The following TYW1 variants were observed in gnomAD, a reference collection of about 807,000 sequenced individuals.
TYW1 encodes the protein tRNA-yW synthesizing protein 1 homolog.
A neutral mutation model predicts 96.2 loss-of-function variants in TYW1; 46 were observed. That is an observed-to-expected ratio of 0.48 (90% CI 0.38 to 0.61). The LOEUF (loss-of-function observed/expected upper bound fraction) is 0.61. TYW1 is among the 20% of genes least tolerant of loss of function. The pLI, the probability that TYW1 is intolerant of heterozygous loss-of-function variation, is 0.00. For missense variants in TYW1, 684 were observed against 909.6 expected (o/e 0.75, Z 3.19); for synonymous variants, 274 against 323.0 (o/e 0.85, Z 1.63).
At chr7:67,171,081 G>A (rs1413893890) in intron 13 of TYW1, among the ~76,000 whole-genome samples, 1 of 151,952 alleles carries the variant, frequency 6.6e-6, no homozygotes, top group African/African-American at 2.4e-5. Context: ...TTGACTTGTA[G>A]GTCTGTTCCG....
chr7:67,202,317 G>A (rs1584689930), intron 15 of TYW1, among the ~76,000 whole-genome samples: 1 of 152,162 alleles, frequency 6.6e-6, no homozygotes, highest in African/African-American at 2.4e-5. Context: ...GCTGGGTCAG[G>A]TGACCTGAAA....
chr7:67,062,406 A>G (rs57800915), intron 9 of TYW1, among the ~76,000 whole-genome samples: 5,582 of 148,240 alleles, frequency 0.038, 298 homozygotes, highest in East Asian at 0.16. Flanking sequence ...CTCTGTCTTA[A>G]AAGAAAAAAA....
intron 3 of TYW1, among the ~76,000 whole-genome samples, chr7:67,004,043 C>CA (rs751888960): frequency 9.7e-4 from 145 of 149,542 alleles, no homozygotes; most frequent in Non-Finnish European, 1.5e-3. Flanking sequence ...AACCTTGTCT[C>CA]AAAAAAAACA....
At chr7:67,084,267 A>T (rs1334023715) in intron 11 of TYW1, among the ~76,000 whole-genome samples, 1 of 152,202 alleles carries the variant, frequency 6.6e-6, no homozygotes, top group Non-Finnish European at 1.5e-5. Flanking sequence ...ATTTAAAAAA[A>T]AGGAGGGATA....
chr7:67,148,701 G>A (rs1273368326), intron 13 of TYW1, among the ~76,000 whole-genome samples: 1 of 152,076 alleles, frequency 6.6e-6, no homozygotes, highest in Non-Finnish European at 1.5e-5. Flanking sequence ...AAAATGCTGG[G>A]ATTACAGGCG....
intron 15 of TYW1, among the ~76,000 whole-genome samples, chr7:67,206,604 A>G (rs12154688): frequency 0.27 from 40,433 of 150,584 alleles, 5,759 homozygotes; most frequent in African/African-American, 0.36. Context: ...GGGCGACAAA[A>G]TGAGACTCTG....
intron 11 of TYW1, among the ~76,000 whole-genome samples, chr7:67,096,546 T>G (rs909715281): frequency 6.6e-6 from 1 of 152,134 alleles, no homozygotes; most frequent in Non-Finnish European, 1.5e-5. Context: ...GATTTAGAAC[T>G]ATCAGGAGTC....
intron 7 of TYW1, among the ~76,000 whole-genome samples, chr7:67,028,418 A>G (rs59775098): frequency 0.31 from 47,713 of 152,072 alleles, 7,754 homozygotes; most frequent in East Asian, 0.53. Context: ...GTGGTGGCGC[A>G]TGCCTGTAAT....
At chr7:67,022,695 G>A (rs1193651661) in intron 6 of TYW1, among the ~76,000 whole-genome samples, 2 of 152,220 alleles carry the variant, frequency 1.3e-5, no homozygotes, top group African/African-American at 4.8e-5. Context: ...ATGAGGCTGG[G>A]ATATCAGGGT....
At chr7:67,008,588 C>T (rs530624123) in intron 3 of TYW1, among the ~76,000 whole-genome samples, 1 of 152,190 alleles carries the variant, frequency 6.6e-6, no homozygotes, top group African/African-American at 2.4e-5. Flanking sequence ...TGAACTCTTC[C>T]CTAGGACTTT....
intron 15 of TYW1, among the ~76,000 whole-genome samples, chr7:67,209,856 G>A (rs904518991): frequency 2.6e-5 from 4 of 152,106 alleles, no homozygotes; most frequent in African/African-American, 9.7e-5. Context: ...ACAGGCATGA[G>A]CACTGCACCT....
rs1563073361 is a variant in TYW1 at position 67,210,906 on chromosome 7, ATCCATCTATCCAACCAT to A, written c.1977+15570_1977+15586del. On this transcript the variant is annotated intron_variant, in intron 15 of 15. Transcript: ENST00000359626. ...TGTCCATCCATCTATCCATCTGTCC[ATCCATCTATCCAACCAT>A]CCATCCATCCATCCATCCATCATCT... 8.9e-4 allele frequency among the ~76,000 whole-genome samples: 130 copies of A among 146,776 alleles called. 1 individual carries two copies. The highest frequency in any genetic ancestry group is 3.0e-3 in the African/African-American group (117 of 39,504).
At chr7:67,101,344 G>A (rs572418603) in intron 12 of TYW1, among the ~76,000 whole-genome samples, 91 of 152,178 alleles carry the variant, frequency 6.0e-4, no homozygotes, top group African/African-American at 2.1e-3. Context: ...CCTTGAATGC[G>A]TGAAGCTATA....
intron 12 of TYW1, among the ~76,000 whole-genome samples, chr7:67,113,178 A>G (rs1403337425): frequency 6.6e-6 from 1 of 151,370 alleles, no homozygotes; most frequent in Non-Finnish European, 1.5e-5. Flanking sequence ...AAATCAACTC[A>G]CTCCTCCATT....
chr7:67,029,417 A>C (rs59614347), intron 7 of TYW1, among the ~76,000 whole-genome samples: 2 of 103,352 alleles, frequency 1.9e-5, no homozygotes, highest in African/African-American at 7.4e-5. Context: ...GTGTGTGTGT[A>C]TATATATATA....
At chr7:67,134,795 A>AGG (rs1798192585) in intron 13 of TYW1, among the ~76,000 whole-genome samples, 1 of 148,170 alleles carries the variant, frequency 6.7e-6, no homozygotes, top group Non-Finnish European at 1.5e-5. Context: ...TTTTTTTTTA[A>AGG]TAATTGAGGT....
chr7:67,005,678 C>A (rs1793554119), intron 3 of TYW1, among the ~76,000 whole-genome samples: 1 of 152,204 alleles, frequency 6.6e-6, no homozygotes, highest in African/African-American at 2.4e-5. Context: ...TGATTCAGTA[C>A]CACTTGGCCC....
intron 3 of TYW1, among the ~76,000 whole-genome samples, chr7:67,003,941 G>A (rs1793483893): frequency 6.6e-6 from 1 of 152,196 alleles, no homozygotes; most frequent in South Asian, 2.1e-4. Context: ...CTACACGGGA[G>A]GCTAAGGCAT....
At chr7:67,221,659 A>G (rs1286962629) in intron 15 of TYW1, among the ~76,000 whole-genome samples, 1 of 151,876 alleles carries the variant, frequency 6.6e-6, no homozygotes, top group East Asian at 1.9e-4. Context: ...TGCTGTAGCT[A>G]TTCTCCTTGT....
Sources: allele counts gnomAD v4.1 joint callset (sites outside exome capture counted in the v4.1 genomes callset), GRCh38; gene constraint gnomAD v4.1.1; transcripts MANE v1.5; gene names NCBI Gene and HGNC (gene_info 2026-07-23, HGNC 2026-07-21).